LHX1: variants seen among roughly 807,000 people sequenced by gnomAD.
The protein encoded by LHX1 is LIM/homeobox protein Lhx1.
LHX1 carries 9 observed loss-of-function variants against 34.1 expected under a neutral mutation model. The ratio of observed to expected loss-of-function variants is 0.26; its 90% CI spans 0.16 to 0.46. The LOEUF (loss-of-function observed/expected upper bound fraction) is 0.46. LHX1 is among the 20% of genes least tolerant of loss of function. The pLI is 1.00. For missense variants in LHX1, 446 were observed against 559.1 expected (o/e 0.80, Z 2.04); for synonymous variants, 254 against 241.5 (o/e 1.05, Z -0.48).
chr17:36,942,616 C>T (rs1378181419), intron 4 of LHX1, 136 bp from the exon 5 acceptor site: 6 of 1,077,386 alleles, frequency 5.6e-6, no homozygotes, highest in Non-Finnish European at 7.8e-6. Context: ...CACCCAGGCC[C>T]GCGAGGGCTC....
At position 36,940,510 on chromosome 17, in the gene LHX1, C is replaced by T; in HGVS notation, c.391C>T (p.His131Tyr). The change falls in exon 2 of 5, where the codon CAC becomes TAC. Residue 131 changes from histidine (H) to tyrosine (Y), a missense_variant. His to Tyr is a moderately conservative substitution (Grantham distance 83, BLOSUM62 2). Transcript: ENST00000614239. ...NSSVAKENSL[H>Y]SATTGSDPSL... ...CAGTGTTGCCAAAGAGAACAGCCTTCACTCGGGTGAGGCCCCAATTCCTGG... is the reference window on the plus strand; with the variant it reads ...CAGTGTTGCCAAAGAGAACAGCCTTTACTCGGGTGAGGCCCCAATTCCTGG... 2 of 1,613,942 alleles carry T rather than the reference C, an allele frequency of 1.2e-6. No individual in the cohort carries two copies. Among genetic ancestry groups the T allele is most frequent in the Non-Finnish European group, 1.7e-6 (2 of 1,180,016 alleles).
intron 1 of LHX1, 50 bp from the exon 2 acceptor site, chr17:36,940,240 C>G: frequency 2.8e-6 from 3 of 1,061,186 alleles, no homozygotes; most frequent in Non-Finnish European, 4.2e-6. Flanking sequence ...CTCCCCTTGC[C>G]CCTGGCTGAC....
chr17:36,941,952 A>G (rs1245766656), intron 3 of LHX1, among the ~76,000 whole-genome samples: 4 of 150,690 alleles, frequency 2.7e-5, no homozygotes, highest in East Asian at 3.9e-4. Context: ...CTATACCACA[A>G]CTCTCCCCCT....
chr17:36,942,663 G>C, intron 4 of LHX1, 89 bp from the exon 5 acceptor site: 1 of 1,357,814 alleles, frequency 7.4e-7, no homozygotes, highest in Non-Finnish European at 9.8e-7. Flanking sequence ...GCCTTCCTCA[G>C]CCCGCCGAGG....
rs761559745 is a variant in LHX1 at position 36,938,094 on chromosome 17, T to C, written c.-104T>C. 26 of 1,157,034 alleles carry C rather than the reference T, an allele frequency of 2.2e-5. No individual in the cohort carries two copies. Among genetic ancestry groups the C allele is most frequent in the African/African-American group, 3.0e-5 (2 of 65,880 alleles). 71.7% of individuals were successfully genotyped at this position (1,157,034 alleles called of 1,614,324 possible). A position where few individuals can be genotyped will look rare whatever the true frequency, so the allele number is the denominator to read the frequency against. ...GCACGGCCGAGTGTGTGTCCTCTTT[T>C]TGGAGAGACTGGGGAGCTCGTGCCG... On this transcript the variant is annotated 5_prime_UTR_variant, in exon 1 of 5. Transcript: ENST00000614239.
In LHX1 at chr17:36,938,122, T is replaced by C; in HGVS notation, c.-76T>C. ...GAGAGACTGGGGAGCTCGTGCCGAT[T>C]GTCTTCAGGAGTCATCCCCTGGGCT... On this transcript the variant is annotated 5_prime_UTR_variant, in exon 1 of 5. Coordinates refer to ENST00000614239, the MANE Select transcript of LHX1 (RefSeq NM_005568.5). The C allele has an allele frequency of 3.5e-6, 5 of 1,445,976 alleles. No homozygotes were observed. The South Asian group carries it at 4.6e-5, about 13-fold the overall frequency. 89.6% of individuals were successfully genotyped at this position (1,445,976 alleles called of 1,614,324 possible). A position where few individuals can be genotyped will look rare whatever the true frequency, so the allele number is the denominator to read the frequency against.
intron 3 of LHX1, among the ~76,000 whole-genome samples, chr17:36,941,978 T>C (rs2070767672): frequency 6.6e-6 from 1 of 152,222 alleles, no homozygotes; most frequent in Non-Finnish European, 1.5e-5. Context: ...CACGGCGGCC[T>C]GTCCAGGTCC....
At chr17:36,941,005 G>C in intron 3 of LHX1, 118 bp downstream of exon 3, 1 of 1,475,248 alleles carries the variant, frequency 6.8e-7, no homozygotes, top group South Asian at 1.2e-5. Context: ...TCCAGAGGTG[G>C]GGTGCCTAGA....
At position 36,937,566 on chromosome 17, in the gene LHX1, C is replaced by T. The variant is rs2070734922; in HGVS notation, c.-632C>T. On this transcript the variant is annotated 5_prime_UTR_variant, in exon 1 of 5. Coordinates refer to ENST00000614239, the MANE Select transcript of LHX1 (RefSeq NM_005568.5). The stretch of plus-strand genomic sequence containing the variant: ...GGCCCAGCGCGGGCGCTCGGCGCGT[C>T]CAGACCCGCGGCGCGATGCCGGCAG... 3.1e-6 allele frequency: 1 copy of T among 318,714 alleles called. No individual in the cohort carries two copies. 19.7% of individuals were successfully genotyped at this position (318,714 alleles called of 1,614,324 possible).
At chr17:36,940,258 C>CGGCGGGGGGGGG in intron 1 of LHX1, 32 bp from the exon 2 acceptor site, 1 of 528,910 alleles carries the variant, frequency 1.9e-6, no homozygotes, top group East Asian at 3.5e-5. Context: ...GACCCATCCC[C>CGGCGGGGGGGGG]GCCCCCGCCC....
At position 36,943,026 on chromosome 17, in the gene LHX1, C is replaced by A; in HGVS notation, c.1116C>A (p.Val372=). 6.2e-7 allele frequency: 1 copy of A among 1,608,702 alleles called. No individual in the cohort carries two copies. Among genetic ancestry groups the A allele is most frequent in the Non-Finnish European group, 8.5e-7 (1 of 1,177,002 alleles). The part of the protein sequence containing the change: ...PGPLHSMSAE[V]FGPSPPFSSL... ...CTCTGCACTCCATGTCGGCCGAGGTCTTCGGACCCAGCCCGCCCTTCTCGT... is the reference window on the plus strand; with the variant it reads ...CTCTGCACTCCATGTCGGCCGAGGTATTCGGACCCAGCCCGCCCTTCTCGT... The change falls in exon 5 of 5, where the codon GTC becomes GTA. Residue 372 remains valine, a synonymous_variant. Coordinates refer to ENST00000614239, the MANE Select transcript of LHX1 (RefSeq NM_005568.5).
Position 36,942,968 on chromosome 17 carries a change from A to T in LHX1, c.1058A>T (p.Asp353Val). The T allele has an allele frequency of 6.2e-7, 1 of 1,609,126 alleles. No homozygotes were observed. The highest frequency in any genetic ancestry group is 8.5e-7 in the Non-Finnish European group (1 of 1,178,756). ...GACATCCTGGCGCACCCACCCGGGG[A>T]CTCGCCCAGCCCCGAGCCCAGCCTG... ...FTDILAHPPGDSPSPEPSLPG... is the reference protein window; with the variant it reads ...FTDILAHPPGVSPSPEPSLPG... Residue 353 changes from aspartate to valine, a missense_variant, in exon 5 of 5, where the codon GAC (aspartate) becomes GTC (valine). Asp to Val is a radical substitution (Grantham distance 152). Around this residue, in one of 3 missense-constraint regions of LHX1, gnomAD observed 235 missense variants for 224.4 expected, o/e 1.05. Transcript: ENST00000614239.
At chr17:36,942,437 G>C (rs934893330) in intron 4 of LHX1, 72 bp downstream of exon 4, 6 of 1,465,682 alleles carry the variant, frequency 4.1e-6, no homozygotes, top group East Asian at 4.9e-5. Context: ...GGCAGCGCGG[G>C]GGGGCACGCC....
Position 36,942,423 on chromosome 17 carries a change from G to T in LHX1, c.841+58G>T. ...GGTCGGGGCGGGCTTCGTTGGAAGC[G>T]GGTGGCAGCGCGGGGGGGCACGCCT... On this transcript the variant is annotated intron_variant, in intron 4 of 4. Coordinates refer to ENST00000614239, the MANE Select transcript of LHX1 (RefSeq NM_005568.5). 5 of 1,523,624 alleles carry T rather than the reference G, an allele frequency of 3.3e-6. No individual in the cohort carries two copies. The South Asian group carries it at 4.8e-5, about 15-fold the overall frequency. The allele number at this position is 1,523,624 out of a possible 1,614,324, so 94.4% of individuals were successfully genotyped here.
rs1479261347 is a variant in LHX1 at position 36,944,244 on chromosome 17, C to G, written c.*1113C>G. On this transcript the variant is annotated 3_prime_UTR_variant, in exon 5 of 5. Transcript: ENST00000614239. ...ACAAATACTGTAAAGGTGCCTGGCA[C>G]CAGCAACCTGAGAAAGTGTTAAAAA... 6.8e-6 allele frequency: 1 copy of G among 146,192 alleles called. No individual in the cohort carries two copies. The highest frequency in any genetic ancestry group is 1.5e-5 in the Non-Finnish European group (1 of 67,362). The allele number at this position is 146,192 out of a possible 1,614,324, so 9.1% of individuals were successfully genotyped here. A position where few individuals can be genotyped will look rare whatever the true frequency, so the allele number is the denominator to read the frequency against.
At chr17:36,939,059 G>A (rs1452524446) in intron 1 of LHX1, among the ~76,000 whole-genome samples, 3 of 152,160 alleles carry the variant, frequency 2.0e-5, no homozygotes, top group East Asian at 3.9e-4. Context: ...CGACTCCCAC[G>A]GGCTCCGCTC....
intron 1 of LHX1, chr17:36,938,713 G>A: frequency 2.2e-6 from 1 of 444,928 alleles, no homozygotes; most frequent in African/African-American, 2.0e-5. Flanking sequence ...AAGCTCTGCA[G>A]CAACTGCATT....
In LHX1 at chr17:36,942,773, G is replaced by A. The variant is rs1389652056; in HGVS notation, c.863G>A (p.Gly288Glu). 3 of 1,538,692 alleles carry A rather than the reference G, an allele frequency of 1.9e-6. No homozygotes were observed. The highest frequency in any genetic ancestry group is 1.8e-4 in the Middle Eastern group (1 of 5,714). ...GCAGATTACCAGAGCGAGTACTACG[G>A]GCCCGGGGGCAACTACGACTTCTTC... ...FYGDYQSEYY[G>E]PGGNYDFFPQ... The change falls in exon 5 of 5, where the codon GGG (glycine) becomes GAG (glutamate). Residue 288 changes from glycine to glutamate, a missense_variant. Gly to Glu is a moderately conservative substitution (Grantham distance 98, BLOSUM62 -2). Transcript: ENST00000614239.
intron 3 of LHX1, chr17:36,941,111 AG>A (rs1367442587): frequency 3.9e-6 from 3 of 767,356 alleles, no homozygotes; most frequent in Non-Finnish European, 6.7e-6. Flanking sequence ...GTGGCAGTGG[AG>A]GGGGAGGGAC....
Sources: allele counts gnomAD v4.1 joint callset (sites outside exome capture counted in the v4.1 genomes callset), GRCh38; gene constraint gnomAD v4.1.1; regional missense constraint gnomAD v4.1.1; transcripts MANE v1.5; gene names NCBI Gene and HGNC (gene_info 2026-07-23, HGNC 2026-07-21).